Variants in LHFPL3 observed in about 807,000 individuals in gnomAD.
LHFPL3 encodes LHFPL tetraspan subfamily member 3, also known as LHFPL tetraspan subfamily member 3 protein.
In LHFPL3, 5 loss-of-function variants were observed where a neutral mutation model predicts 19.3. The observed-to-expected ratio is 0.26, with a 90% CI of 0.14 to 0.54. The LOEUF is 0.54. LHFPL3 is among the 20% of genes least tolerant of loss of function. The pLI is 0.94. For missense variants in LHFPL3, 249 were observed against 307.4 expected (o/e 0.81, Z 1.42); for synonymous variants, 133 against 126.2 (o/e 1.05, Z -0.36).
chr7:104,464,872 C>G (rs1363224123), intron 1 of LHFPL3, among the ~76,000 whole-genome samples: 1 of 152,214 alleles, frequency 6.6e-6, no homozygotes, highest in Non-Finnish European at 1.5e-5. Flanking sequence ...TAACATTTGT[C>G]TCCCCATTGC....
intron 2 of LHFPL3, 81 bp from the exon 3 acceptor site, chr7:104,906,106 A>C: frequency 1.5e-6 from 2 of 1,337,998 alleles, no homozygotes; most frequent in Non-Finnish European, 2.1e-6. Context: ...AATATTATGC[A>C]CAAAAATCTT....
intron 2 of LHFPL3, among the ~76,000 whole-genome samples, chr7:104,841,658 G>A (rs1387206555): frequency 1.3e-5 from 2 of 151,904 alleles, no homozygotes; most frequent in Non-Finnish European, 2.9e-5. Flanking sequence ...ACTACCTGTT[G>A]GCTATCTCTC....
intron 2 of LHFPL3, among the ~76,000 whole-genome samples, chr7:104,809,278 A>C (rs1490397221): frequency 6.6e-6 from 1 of 152,166 alleles, no homozygotes. Context: ...AAGTTTATAG[A>C]TCTTTAACAT....
chr7:104,711,106 C>A (rs1474150607), intron 1 of LHFPL3, among the ~76,000 whole-genome samples: 1 of 152,164 alleles, frequency 6.6e-6, no homozygotes, highest in Non-Finnish European at 1.5e-5. Flanking sequence ...TACTCTTTTT[C>A]AAACTTTCAT....
intron 2 of LHFPL3, among the ~76,000 whole-genome samples, chr7:104,766,857 A>G (rs1794465744): frequency 6.6e-6 from 1 of 152,188 alleles, no homozygotes; most frequent in Non-Finnish European, 1.5e-5. Context: ...AAACTGTGGC[A>G]AAGTTCAAAT....
intron 1 of LHFPL3, among the ~76,000 whole-genome samples, chr7:104,674,584 G>A (rs1384449516): frequency 6.6e-6 from 1 of 151,922 alleles, no homozygotes; most frequent in African/African-American, 2.4e-5. Context: ...GGCCAGGATG[G>A]TCTCGATCTC....
intron 1 of LHFPL3, among the ~76,000 whole-genome samples, chr7:104,545,320 A>G (rs1178137993): frequency 6.6e-6 from 1 of 152,184 alleles, no homozygotes; most frequent in Non-Finnish European, 1.5e-5. Context: ...TCACCTCTGA[A>G]TAGGCTATTC....
At chr7:104,610,244 T>A (rs1340491332) in intron 1 of LHFPL3, among the ~76,000 whole-genome samples, 1 of 152,176 alleles carries the variant, frequency 6.6e-6, no homozygotes, top group East Asian at 1.9e-4. Context: ...CATCTTTGAT[T>A]GAATTCGTTT....
At chr7:104,513,859 C>G (rs574082473) in intron 1 of LHFPL3, among the ~76,000 whole-genome samples, 1 of 152,274 alleles carries the variant, frequency 6.6e-6, no homozygotes, top group Admixed American at 6.5e-5. Context: ...TTGAGAACCA[C>G]TGGTTAAACA....
chr7:104,888,728 A>C (rs886350888), intron 2 of LHFPL3, among the ~76,000 whole-genome samples: 2 of 152,222 alleles, frequency 1.3e-5, no homozygotes, highest in African/African-American at 4.8e-5. Context: ...AGTCACTGTC[A>C]CATGTGTCAA....
chr7:104,433,485 G>A (rs1265761270), intron 1 of LHFPL3, among the ~76,000 whole-genome samples: 1 of 152,146 alleles, frequency 6.6e-6, no homozygotes, highest in African/African-American at 2.4e-5. Flanking sequence ...CTCTCAGGAT[G>A]AAGTCCAAAA....
At chr7:104,614,711 C>G (rs1001691090) in intron 1 of LHFPL3, among the ~76,000 whole-genome samples, 10 of 136,340 alleles carry the variant, frequency 7.3e-5, no homozygotes, top group African/African-American at 2.8e-4. Flanking sequence ...TTCTTTCTTT[C>G]TTTCTTTCTT....
intron 1 of LHFPL3, among the ~76,000 whole-genome samples, chr7:104,731,988 T>G (rs966686720): frequency 1.1e-4 from 17 of 152,114 alleles, no homozygotes; most frequent in African/African-American, 1.9e-4. Flanking sequence ...TAATCATGTG[T>G]TTTTTGTCTT....
At position 104,835,540 on chromosome 7, in the gene LHFPL3, C is replaced by T. The variant is rs994897632; in HGVS notation, c.683-70647C>T. On this transcript the variant is annotated intron_variant, in intron 2 of 2. Coordinates refer to ENST00000424859, the MANE Select transcript of LHFPL3 (RefSeq NM_199000.3). ...TGCTAGGCACAGTTCTAGGAGATGG[C>T]AAACTAAGTAGACAAAATTCCTGTT... is the stretch of plus-strand genomic sequence containing the variant. Among the ~76,000 whole-genome samples, 6 of 151,112 alleles carry T rather than the reference C, an allele frequency of 4.0e-5. 1 individual carries two copies. The highest frequency in any genetic ancestry group is 3.3e-4 in the Admixed American group (5 of 15,192).
chr7:104,663,056 G>A (rs1235229719), intron 1 of LHFPL3, among the ~76,000 whole-genome samples: 1 of 152,126 alleles, frequency 6.6e-6, no homozygotes, highest in Non-Finnish European at 1.5e-5. Flanking sequence ...GTGTTTATTT[G>A]TATGCCTATT....
chr7:104,797,247 A>G (rs547982363), intron 2 of LHFPL3, among the ~76,000 whole-genome samples: 4 of 152,288 alleles, frequency 2.6e-5, no homozygotes, highest in African/African-American at 7.2e-5. Context: ...AATGCTGTTC[A>G]CCCAGCATTT....
At chr7:104,594,183 C>T (rs1293381191) in intron 1 of LHFPL3, among the ~76,000 whole-genome samples, 1 of 152,180 alleles carries the variant, frequency 6.6e-6, no homozygotes, top group Non-Finnish European at 1.5e-5. Flanking sequence ...CTGGTTGTTC[C>T]TTTCCATGTA....
intron 1 of LHFPL3, among the ~76,000 whole-genome samples, chr7:104,551,132 C>T (rs1436751588): frequency 1.3e-5 from 2 of 151,838 alleles, no homozygotes; most frequent in Non-Finnish European, 2.9e-5. Flanking sequence ...CACACACACA[C>T]ACACACACTT....
intron 1 of LHFPL3, among the ~76,000 whole-genome samples, chr7:104,641,339 C>A (rs1486408803): frequency 6.6e-6 from 1 of 152,176 alleles, no homozygotes; most frequent in African/African-American, 2.4e-5. Context: ...TAAACGAGAC[C>A]AGTCTGCTCG....
Sources: gnomAD v4.1 joint callset for allele counts (sites outside exome capture counted in the v4.1 genomes callset) on GRCh38, gnomAD v4.1.1 for gene constraint, MANE v1.5 for transcripts, NCBI Gene and HGNC (gene_info 2026-07-23, HGNC 2026-07-21) for gene names.